Variants in ASAP3 observed in about 807,000 individuals in gnomAD.
ASAP3 encodes the protein arf-GAP with SH3 domain, ANK repeat and PH domain-containing protein 3.
Under a neutral mutation model 118.2 loss-of-function variants are expected in ASAP3, and 85 were observed. That is an observed-to-expected ratio of 0.72 (90% CI 0.60 to 0.86). The LOEUF (loss-of-function observed/expected upper bound fraction) is 0.86, where lower values mean the gene tolerates loss of function less well. Ranked by LOEUF, ASAP3 falls within the 40% of genes least tolerant of loss-of-function variation. The probability of loss-of-function intolerance (pLI) is 0.00; values close to 1 mark genes in which losing one functional copy is unlikely to be tolerated. For synonymous variants in ASAP3, 432 were observed against 477.4 expected (o/e 0.90, Z 1.24); for missense variants, 1,026 against 1,175.0 (o/e 0.87, Z 1.85).
rs565764924 is a variant in ASAP3, at chr1:23,433,195, A to G, written c.2205T>C (p.Thr735=). Residue 735 remains threonine, a synonymous_variant, in exon 22 of 25, where the codon ACT becomes ACC. Transcript: ENST00000336689. ...GGGTGGCTGCTCCCAGGCTGGCGACAGTCTCATAGGTCTTGTTGCTGATGT... is the reference window on the plus strand; with the variant it reads ...GGGTGGCTGCTCCCAGGCTGGCGACGGTCTCATAGGTCTTGTTGCTGATGT... ...RLDISNKTYE[T]VASLGAATPQ... The G allele has an allele frequency of 6.2e-7, 1 of 1,614,164 alleles. No individual in the cohort carries two copies. Among genetic ancestry groups the G allele is most frequent in the East Asian group, 2.2e-5 (1 of 44,880 alleles).
chr1:23,439,332 C>T (rs1640785782), intron 10 of ASAP3, 102 bp from the exon 11 acceptor site: 1 of 1,030,478 alleles, frequency 9.7e-7, no homozygotes, highest in Admixed American at 2.0e-5. Context: ...TCTCTAGCCA[C>T]ATCCCTTTAC....
intron 23 of ASAP3, 41 bp from the exon 24 acceptor site, chr1:23,431,166 A>C: frequency 3.9e-6 from 6 of 1,545,600 alleles, no homozygotes; most frequent in Non-Finnish European, 5.3e-6. Flanking sequence ...TCATGTCCAG[A>C]GAGCCCCTCA....
At chr1:23,446,649 G>C (rs1010212785) in intron 5 of ASAP3, among the ~76,000 whole-genome samples, 4 of 152,198 alleles carry the variant, frequency 2.6e-5, no homozygotes, top group Admixed American at 1.3e-4. Context: ...TGTGTTTCAG[G>C]CTGGTCTCGA....
intron 1 of ASAP3, 133 bp downstream of exon 1, chr1:23,483,872 C>A: frequency 1.0e-6 from 1 of 993,862 alleles, no homozygotes; most frequent in African/African-American, 1.7e-5. Flanking sequence ...TGCGCTCGGT[C>A]CTCCCAGACC....
Position 23,431,094 on chromosome 1 carries a change from C to T in ASAP3, c.2578G>A (p.Ala860Thr), listed in dbSNP as rs771194681. The T allele has an allele frequency of 1.7e-5, 27 of 1,563,866 alleles. No individual in the cohort carries two copies. Among genetic ancestry groups the T allele is most frequent in the Middle Eastern group, 1.7e-4 (1 of 5,998 alleles). The change falls in exon 24 of 25, where the codon GCG becomes ACG. Residue 860 changes from alanine to threonine, a missense_variant. Coordinates refer to ENST00000336689, the MANE Select transcript of ASAP3 (RefSeq NM_017707.4). ...SESTRSYRRG[A>T]RSPEDGPSAR... Reference sequence around the variant, plus strand: ...GAGGGACCATCTTCAGGGCTCCGCGCCCCCCGCCGATAGGAGCGAGTGCTC... The same window carrying T: ...GAGGGACCATCTTCAGGGCTCCGCGTCCCCCGCCGATAGGAGCGAGTGCTC...
intron 1 of ASAP3, among the ~76,000 whole-genome samples, chr1:23,463,009 A>G (rs897332666): frequency 1.3e-5 from 2 of 152,170 alleles, no homozygotes; most frequent in Admixed American, 6.5e-5. Context: ...TATGAGGTAG[A>G]GGGGAGGGAA....
At chr1:23,440,014 C>T (rs1486441383) in intron 10 of ASAP3, among the ~76,000 whole-genome samples, 2 of 151,626 alleles carry the variant, frequency 1.3e-5, no homozygotes, top group Non-Finnish European at 2.9e-5. Context: ...TGGGGTTTCA[C>T]TATGTTGGCT....
chr1:23,462,124 C>A lies in ASAP3; in HGVS notation c.130-5930G>T, dbSNP rs149871698. On this transcript the variant is annotated intron_variant, in intron 1 of 24. Coordinates refer to ENST00000336689, the MANE Select transcript of ASAP3 (RefSeq NM_017707.4). ...CTGCAAGCTCTGCCTCCCGGGTTCA[C>A]GCCATTCTCCTGACTCAGCCTCCCG... is the stretch of plus-strand genomic sequence containing the variant. 7.6e-3 allele frequency among the ~76,000 whole-genome samples: 1,146 copies of A among 151,728 alleles called. 19 individuals carry two copies. The highest frequency in any genetic ancestry group is 0.026 in the African/African-American group (1,095 of 41,400).
At chr1:23,433,010 G>C (rs1306552330) in intron 22 of ASAP3, 67 bp downstream of exon 22, 20 of 1,582,658 alleles carry the variant, frequency 1.3e-5, no homozygotes, top group Non-Finnish European at 1.6e-5. Context: ...ACTCAGCTCA[G>C]TGCCCCAGCA....
intron 1 of ASAP3, among the ~76,000 whole-genome samples, chr1:23,466,834 TTC>T (rs1480327792): frequency 6.6e-6 from 1 of 152,246 alleles, no homozygotes; most frequent in Non-Finnish European, 1.5e-5. Flanking sequence ...TAGTTATCAC[TTC>T]TGTGTCATCC....
At chr1:23,484,315 C>G (rs1642440418), upstream of ASAP3, 5 of 550,658 alleles carry the variant, frequency 9.1e-6, no homozygotes, top group South Asian at 4.5e-4. Flanking sequence ...GCCCCGCCCC[C>G]GGCTCCTCGC....
intron 7 of ASAP3, among the ~76,000 whole-genome samples, chr1:23,441,950 A>G (rs147615155): frequency 6.6e-6 from 1 of 152,306 alleles, no homozygotes; most frequent in Non-Finnish European, 1.5e-5. Flanking sequence ...CAGTTTTCTC[A>G]TCTATAAAAT....
intron 4 of ASAP3, among the ~76,000 whole-genome samples, 186 bp downstream of exon 4, chr1:23,452,511 C>A (rs1194206496): frequency 1.3e-5 from 2 of 152,126 alleles, no homozygotes; most frequent in Non-Finnish European, 2.9e-5. Flanking sequence ...AGGGGCCTGG[C>A]AGACAGCAGG....
chr1:23,443,917 T>C (rs533686216), intron 5 of ASAP3, among the ~76,000 whole-genome samples: 50 of 152,226 alleles, frequency 3.3e-4, no homozygotes, highest in Admixed American at 2.9e-3. Flanking sequence ...GAGATGGGGT[T>C]TCACCGTGTT....
chr1:23,455,804 C>T (rs61778880), intron 3 of ASAP3, 77 bp downstream of exon 3: 197,807 of 1,566,396 alleles, frequency 0.13, 13,128 homozygotes, highest in Non-Finnish European at 0.14. Context: ...AGGAAGGAAA[C>T]GGACCCTTTC....
intron 1 of ASAP3, among the ~76,000 whole-genome samples, chr1:23,469,338 TA>T (rs1641889388): frequency 6.6e-6 from 1 of 152,060 alleles, no homozygotes. Flanking sequence ...ATAAATAAAA[TA>T]AACTCAAACC....
At chr1:23,484,186 C>T (rs1642432131), upstream of ASAP3, 1 of 1,221,828 alleles carries the variant, frequency 8.2e-7, no homozygotes, top group Non-Finnish European at 1.0e-6. Flanking sequence ...CACTGAGCTG[C>T]TCCGCGCTGA....
intron 1 of ASAP3, among the ~76,000 whole-genome samples, chr1:23,469,979 A>G (rs190721494): frequency 5.3e-5 from 8 of 152,328 alleles, no homozygotes; most frequent in Non-Finnish European, 1.2e-4. Context: ...TAATGGTGGA[A>G]GCCAGGCATC....
rs1455339065 is a variant in ASAP3 at position 23,436,187 on chromosome 1, C to CA, written c.1572-160dup. Among the ~76,000 whole-genome samples the CA allele has an allele frequency of 6.6e-6, 1 of 152,038 alleles. No homozygotes were observed. The highest frequency in any genetic ancestry group is 1.5e-5 in the Non-Finnish European group (1 of 67,994). ...CCTCTCCCCAGGCTTTTTTTTTAGA[C>CA]AGTCTCACTCTATTGCCCAGGAGGG... On this transcript the variant is annotated intron_variant, in intron 16 of 24. Transcript: ENST00000336689. This position sits in a 1 kb window ranked among gnomAD's most constrained non-coding sequence, Gnocchi z 4.2.
Sources: allele counts gnomAD v4.1 joint callset (sites outside exome capture counted in the v4.1 genomes callset), GRCh38; gene constraint gnomAD v4.1.1; non-coding constraint Gnocchi (gnomAD v3.1); transcripts MANE v1.5; gene names NCBI Gene and HGNC (gene_info 2026-07-23, HGNC 2026-07-21).